The following CNTNAP2 variants were observed in gnomAD, a reference collection of about 807,000 sequenced individuals.
The protein encoded by CNTNAP2 is contactin-associated protein-like 2.
CNTNAP2 carries 98 observed loss-of-function variants against 155.2 expected under a neutral mutation model. The ratio of observed to expected loss-of-function variants is 0.63; its 90% CI spans 0.54 to 0.75. The LOEUF (loss-of-function observed/expected upper bound fraction) is 0.75. Among genes scored for constraint, CNTNAP2 ranks in the 30% least tolerant of loss-of-function variants. CNTNAP2 has a pLI of 0.00. For synonymous variants in CNTNAP2, 651 were observed against 631.2 expected, an observed-to-expected ratio of 1.03 and a Z score of -0.47; for missense variants, 1,727 against 1,688.1, an observed-to-expected ratio of 1.02 and a Z score of -0.40.
chr7:147,296,506 G>A (rs1805448467), intron 8 of CNTNAP2, among the ~76,000 whole-genome samples: 1 of 152,152 alleles, frequency 6.6e-6, no homozygotes, highest in African/African-American at 2.4e-5. Context: ...ATATTTGAAA[G>A]ATAAGAAATA....
At chr7:148,126,462 T>C (rs144580095) in intron 16 of CNTNAP2, among the ~76,000 whole-genome samples, 1 of 152,224 alleles carries the variant, frequency 6.6e-6, no homozygotes, top group Non-Finnish European at 1.5e-5. Flanking sequence ...AGGAATAATA[T>C]GTGGAAAGGT....
intron 1 of CNTNAP2, among the ~76,000 whole-genome samples, chr7:146,451,254 GT>G (rs1205049580): frequency 6.6e-6 from 1 of 152,048 alleles, no homozygotes; most frequent in African/African-American, 2.4e-5. Flanking sequence ...CCATAAAACT[GT>G]TTATTTCTAA....
chr7:146,805,115 A>G (rs950395259), intron 2 of CNTNAP2, among the ~76,000 whole-genome samples: 3 of 152,142 alleles, frequency 2.0e-5, no homozygotes, highest in African/African-American at 4.8e-5. Flanking sequence ...CCATCTCAGT[A>G]AAGAAAGGAA....
At chr7:147,643,423 G>A (rs1200637856) in intron 13 of CNTNAP2, 1 of 152,182 alleles carries the variant, frequency 6.6e-6, no homozygotes, top group Non-Finnish European at 1.5e-5. Flanking sequence ...GCAAGGAAAA[G>A]GAGTGGTTGA....
chr7:147,137,761 T>G (rs1386407189), intron 8 of CNTNAP2, among the ~76,000 whole-genome samples: 2 of 151,878 alleles, frequency 1.3e-5, no homozygotes, highest in Non-Finnish European at 2.9e-5. Context: ...AAAATATTCA[T>G]AACTCATTTT....
intron 15 of CNTNAP2, among the ~76,000 whole-genome samples, chr7:148,052,826 T>A (rs1802919652): frequency 6.6e-6 from 1 of 152,186 alleles, no homozygotes; most frequent in African/African-American, 2.4e-5. Flanking sequence ...GTGAGCGGAT[T>A]ACTTGAGGTC....
chr7:147,541,473 T>G (rs1056746317), intron 11 of CNTNAP2, among the ~76,000 whole-genome samples: 1 of 152,202 alleles, frequency 6.6e-6, no homozygotes, highest in African/African-American at 2.4e-5. Context: ...TGTCGTAATA[T>G]AAGTAGTTAC....
At chr7:147,749,196 T>A (rs17133833) in intron 13 of CNTNAP2, among the ~76,000 whole-genome samples, 1 of 152,034 alleles carries the variant, frequency 6.6e-6, no homozygotes, top group Non-Finnish European at 1.5e-5. Context: ...TATACAAATA[T>A]GTGTTTATGA....
intron 1 of CNTNAP2, among the ~76,000 whole-genome samples, chr7:146,596,629 GA>G: frequency 1.3e-5 from 2 of 148,982 alleles, no homozygotes; most frequent in East Asian, 2.0e-4. Flanking sequence ...GAGAGAGAGA[GA>G]GAGAGAGAGA....
chr7:147,091,895 C>T (rs780240476), intron 4 of CNTNAP2, among the ~76,000 whole-genome samples: 9 of 152,142 alleles, frequency 5.9e-5, no homozygotes, highest in Non-Finnish European at 1.3e-4. Context: ...CGTGAGCCAC[C>T]GCGCCAGGCC....
At chr7:147,888,438 T>C (rs1799633888) in intron 13 of CNTNAP2, among the ~76,000 whole-genome samples, 3 of 151,714 alleles carry the variant, frequency 2.0e-5, no homozygotes, top group Admixed American at 1.3e-4. Context: ...ATATGAAAAA[T>C]AAAATATTAA....
intron 13 of CNTNAP2, among the ~76,000 whole-genome samples, chr7:147,733,839 T>C (rs1796789781): frequency 6.6e-6 from 1 of 152,202 alleles, no homozygotes; most frequent in African/African-American, 2.4e-5. Context: ...TGTATAAGAA[T>C]GCTTGTGATT....
chr7:148,304,425 A>T (rs1797452145), intron 21 of CNTNAP2, among the ~76,000 whole-genome samples: 1 of 151,730 alleles, frequency 6.6e-6, no homozygotes, highest in Non-Finnish European at 1.5e-5. Flanking sequence ...AATTTTCAAG[A>T]TTTTTTTTTC....
At chr7:147,315,740 A>G (rs929801524) in intron 9 of CNTNAP2, among the ~76,000 whole-genome samples, 1 of 151,864 alleles carries the variant, frequency 6.6e-6, no homozygotes, top group Non-Finnish European at 1.5e-5. Flanking sequence ...CAGCCTCCCA[A>G]AGTGCTGGGA....
At chr7:146,947,865 C>CA (rs1180903411) in intron 3 of CNTNAP2, among the ~76,000 whole-genome samples, 2 of 151,850 alleles carry the variant, frequency 1.3e-5, no homozygotes, top group Non-Finnish European at 2.9e-5. Context: ...ATAATGGTGC[C>CA]ATTGCCCTGC....
intron 4 of CNTNAP2, 47 bp from the exon 5 acceptor site, chr7:147,108,100 G>A: frequency 5.2e-6 from 8 of 1,540,166 alleles, no homozygotes; most frequent in Non-Finnish European, 7.2e-6. Context: ...GAAGTGGATG[G>A]TAACATACAT....
intron 13 of CNTNAP2, among the ~76,000 whole-genome samples, chr7:147,677,489 G>T (rs1293638572): frequency 6.6e-6 from 1 of 151,734 alleles, no homozygotes; most frequent in Non-Finnish European, 1.5e-5. Flanking sequence ...TCTGTTGATT[G>T]TTTCCTTTGC....
intron 1 of CNTNAP2, among the ~76,000 whole-genome samples, chr7:146,343,887 A>G (rs1395424481): frequency 6.6e-6 from 1 of 152,128 alleles, no homozygotes; most frequent in Non-Finnish European, 1.5e-5. Flanking sequence ...AAATCAAAAT[A>G]AGATATGATT....
At chr7:147,861,376 A>G (rs1450427315) in intron 13 of CNTNAP2, among the ~76,000 whole-genome samples, 1 of 94,590 alleles carries the variant, frequency 1.1e-5, no homozygotes, top group Non-Finnish European at 2.3e-5. Flanking sequence ...TAAATGCCTC[A>G]TAACACAAAG....
Sources: gnomAD v4.1 joint callset for allele counts (sites outside exome capture counted in the v4.1 genomes callset) on GRCh38, gnomAD v4.1.1 for gene constraint, MANE v1.5 for transcripts, NCBI Gene and HGNC (gene_info 2026-07-23, HGNC 2026-07-21) for gene names.